DCBLD2: variants seen among roughly 807,000 people sequenced by gnomAD.
DCBLD2 encodes the protein discoidin, CUB and LCCL domain-containing protein 2.
Under a neutral mutation model 86.8 loss-of-function variants are expected in DCBLD2, and 54 were observed. That is an observed-to-expected ratio of 0.62 (90% confidence interval 0.50 to 0.78). The LOEUF (loss-of-function observed/expected upper bound fraction) is 0.78. DCBLD2 is among the 30% of genes least tolerant of loss of function. The pLI is 0.00. For synonymous variants in DCBLD2, 354 were observed against 341.3 expected, an observed-to-expected ratio of 1.04 and a Z score of -0.41; for missense variants, 908 against 954.2, an observed-to-expected ratio of 0.95 and a Z score of 0.64.
At chr3:98,842,308 G>A (rs1054363621) in intron 3 of DCBLD2, among the ~76,000 whole-genome samples, 1 of 152,150 alleles carries the variant, frequency 6.6e-6, no homozygotes, top group Admixed American at 6.5e-5. Flanking sequence ...AGTGCTAAAG[G>A]ATGTAGGATA....
Position 98,901,146 on chromosome 3 carries a change from G to A in DCBLD2, c.181C>T (p.Leu61Phe), listed in dbSNP as rs761866734. 45 of 1,539,178 alleles carry A rather than the reference G, an allele frequency of 2.9e-5. No individual in the cohort carries two copies. The highest frequency in any genetic ancestry group is 6.8e-5 in the African/African-American group (5 of 73,034). ...CCTTGCTGGGCTCCAGCGTCCTCGA[G>A]CAGCAGGAGCAGGACAAGTAAGAGC... Reference protein sequence around the residue: ...LLLLLVLLLLLEDAGAQQGDG... With the variant: ...LLLLLVLLLLFEDAGAQQGDG... Residue 61 changes from leucine (L) to phenylalanine (F), a missense_variant, in exon 1 of 16, where the codon CTC becomes TTC. By Grantham distance (22) the Leu-to-Phe change is conservative. This residue lies in a region of DCBLD2 where 294 missense variants were observed against 256.0 expected (regional missense o/e 1.15). Transcript: ENST00000326840.
At chr3:98,853,848 A>G (rs761969183) in intron 2 of DCBLD2, among the ~76,000 whole-genome samples, 1 of 152,230 alleles carries the variant, frequency 6.6e-6, no homozygotes, top group African/African-American at 2.4e-5. Context: ...GGAATCTGCA[A>G]CTTAGAAGGA....
chr3:98,857,424 C>T (rs2107493067), intron 2 of DCBLD2, among the ~76,000 whole-genome samples: 1 of 152,328 alleles, frequency 6.6e-6, no homozygotes, highest in South Asian at 2.1e-4. Flanking sequence ...CTTATCTGGC[C>T]CAACCCACAT....
At chr3:98,864,757 G>T (rs1398708267) in intron 2 of DCBLD2, among the ~76,000 whole-genome samples, 3 of 152,148 alleles carry the variant, frequency 2.0e-5, no homozygotes. Context: ...TAATGTAAAT[G>T]ACGAGTTAAT....
At chr3:98,822,033 C>T (rs1324292692) in intron 6 of DCBLD2, 195 bp downstream of exon 6, 17 of 704,960 alleles carry the variant, frequency 2.4e-5, no homozygotes, top group Admixed American at 9.8e-5. Flanking sequence ...GCAATGAGAG[C>T]GAAACTCTGT....
chr3:98,848,181 T>A (rs1374469896), intron 3 of DCBLD2, among the ~76,000 whole-genome samples: 1 of 152,162 alleles, frequency 6.6e-6, no homozygotes, highest in Non-Finnish European at 1.5e-5. Flanking sequence ...TCCATGTGTT[T>A]TCATAATTTA....
intron 8 of DCBLD2, 124 bp from the exon 9 acceptor site, chr3:98,818,017 T>C: frequency 8.2e-7 from 1 of 1,219,294 alleles, no homozygotes; most frequent in East Asian, 2.7e-5. Context: ...CATTTCCATA[T>C]CCAAGTGCAC....
chr3:98,848,286 C>A (rs948527317), intron 3 of DCBLD2, among the ~76,000 whole-genome samples: 2 of 152,158 alleles, frequency 1.3e-5, no homozygotes, highest in Non-Finnish European at 2.9e-5. Context: ...CCATCCATGT[C>A]CCTGCAAAGA....
chr3:98,884,401 C>A (rs1943524008), intron 1 of DCBLD2, among the ~76,000 whole-genome samples: 1 of 150,076 alleles, frequency 6.7e-6, no homozygotes. Flanking sequence ...GTTACACAGT[C>A]CATAAAAAAA....
At chr3:98,841,783 C>T (rs1942626143) in intron 3 of DCBLD2, among the ~76,000 whole-genome samples, 3 of 152,156 alleles carry the variant, frequency 2.0e-5, no homozygotes, top group Admixed American at 2.0e-4. Flanking sequence ...AAGAAAGTGG[C>T]CAGGCACGGT....
intron 3 of DCBLD2, 153 bp downstream of exon 3, chr3:98,849,308 C>T: frequency 1.1e-6 from 1 of 919,102 alleles, no homozygotes; most frequent in Admixed American, 2.6e-5. Flanking sequence ...TGAAACTGAA[C>T]TCACCTTATT....
At chr3:98,811,358 G>GT (rs758748436) in intron 11 of DCBLD2, 39 bp from the exon 12 acceptor site, 1 of 1,612,186 alleles carries the variant, frequency 6.2e-7, no homozygotes, top group Non-Finnish European at 8.5e-7. Context: ...TTTTTAATCT[G>GT]TACCAACTTG....
At chr3:98,864,339 C>A (rs1943101722) in intron 2 of DCBLD2, among the ~76,000 whole-genome samples, 1 of 152,184 alleles carries the variant, frequency 6.6e-6, no homozygotes, top group Admixed American at 6.5e-5. Flanking sequence ...TTTGATCCAG[C>A]CATCCCATTA....
chr3:98,864,576 C>T (rs535550918), intron 2 of DCBLD2, among the ~76,000 whole-genome samples: 1 of 152,180 alleles, frequency 6.6e-6, no homozygotes, highest in Admixed American at 6.5e-5. Flanking sequence ...AAGCTGGAAA[C>T]CATCATTCTC....
intron 2 of DCBLD2, among the ~76,000 whole-genome samples, chr3:98,876,739 G>A (rs1035430836): frequency 1.3e-5 from 2 of 152,164 alleles, no homozygotes; most frequent in Admixed American, 1.3e-4. Context: ...GTTTGTAACT[G>A]TAAAATATTG....
chr3:98,886,412 G>A (rs1432441035), intron 1 of DCBLD2, among the ~76,000 whole-genome samples: 2 of 151,862 alleles, frequency 1.3e-5, no homozygotes, highest in Non-Finnish European at 1.5e-5. Flanking sequence ...TGCTCATAAG[G>A]CAGAATTGAC....
intron 1 of DCBLD2, chr3:98,890,477 G>A (rs1310050920): frequency 1.3e-5 from 2 of 152,110 alleles, no homozygotes; most frequent in Non-Finnish European, 2.9e-5. Context: ...ATAAATTTAA[G>A]TCAGTTAAGC....
chr3:98,897,968 T>C (rs1943779461), intron 1 of DCBLD2, among the ~76,000 whole-genome samples: 1 of 152,032 alleles, frequency 6.6e-6, no homozygotes, highest in Admixed American at 6.5e-5. Context: ...TTTAATACAA[T>C]AGCAAATATG....
At chr3:98,817,704 C>T (rs1942048286) in intron 9 of DCBLD2, 65 bp downstream of exon 9, 1 of 1,511,884 alleles carries the variant, frequency 6.6e-7, no homozygotes, top group Non-Finnish European at 9.1e-7. Flanking sequence ...TACAGGAGAG[C>T]TCTGTGACTT....
Sources: allele counts gnomAD v4.1 joint callset (sites outside exome capture counted in the v4.1 genomes callset), GRCh38; gene constraint gnomAD v4.1.1; regional missense constraint gnomAD v4.1.1; transcripts MANE v1.5; gene names NCBI Gene and HGNC (gene_info 2026-07-23, HGNC 2026-07-21).